The following LYSMD2 variants were observed in gnomAD, a reference collection of about 807,000 sequenced individuals.
The protein encoded by LYSMD2 is LysM domain containing 2, also known as lysM and putative peptidoglycan-binding domain-containing protein 2.
A neutral mutation model predicts 17.7 loss-of-function variants in LYSMD2; 6 were observed. That is an observed-to-expected ratio of 0.34 (90% CI 0.19 to 0.67). LYSMD2 has a LOEUF of 0.67. Ranked by LOEUF, LYSMD2 falls within the 30% of genes least tolerant of loss-of-function variation. LYSMD2 has a pLI of 0.69. For synonymous variants in LYSMD2, 102 were observed against 129.8 expected, an observed-to-expected ratio of 0.79 and a Z score of 1.45; for missense variants, 237 against 286.7, an observed-to-expected ratio of 0.83 and a Z score of 1.25.
At chr15:51,732,688 G>A (rs2055584232) in intron 1 of LYSMD2, among the ~76,000 whole-genome samples, 1 of 152,134 alleles carries the variant, frequency 6.6e-6, no homozygotes, top group Non-Finnish European at 1.5e-5. Context: ...CCCATCCCCA[G>A]GATGCCCAGG....
upstream of LYSMD2, among the ~76,000 whole-genome samples, chr15:51,738,978 T>C (rs904995092): frequency 6.6e-6 from 1 of 152,214 alleles, no homozygotes; most frequent in African/African-American, 2.4e-5. Context: ...CTGGCCTCCT[T>C]GTTCCTACTT....
At chr15:51,743,958 T>G (rs2055655077) in intron 1 of LYSMD2, among the ~76,000 whole-genome samples, 1 of 152,228 alleles carries the variant, frequency 6.6e-6, no homozygotes, top group Admixed American at 6.5e-5. Flanking sequence ...TGTAATAATC[T>G]TGTATCCTAC....
upstream of LYSMD2, among the ~76,000 whole-genome samples, chr15:51,738,504 T>C (rs2055627221): frequency 6.6e-6 from 1 of 152,158 alleles, no homozygotes; most frequent in African/African-American, 2.4e-5. Context: ...GCTATTAATA[T>C]TATAACCACC....
chr15:51,748,261 C>CAAAAAAAAAAAAAAAA (rs10556304), intron 1 of LYSMD2, among the ~76,000 whole-genome samples: 21 of 60,222 alleles, frequency 3.5e-4, no homozygotes, highest in Non-Finnish European at 5.6e-4. Context: ...GACTCCGTCT[C>CAAAAAAAAAAAAAAAA]AAAAAAAAAA....
At position 51,737,404 on chromosome 15, in the gene LYSMD2, G is replaced by A; in HGVS notation, c.219C>T (p.His73=). Residue 73 remains histidine (H), a synonymous_variant, in exon 1 of 3, where the codon CAC becomes CAT. Transcript: ENST00000267838. This position sits in a 1 kb window ranked among gnomAD's most constrained non-coding sequence, Gnocchi z 4.2. The part of the protein sequence containing the change: ...GAGVIERHVE[H]RVRAGDTLQG... ...GCAGCGTGTCGCCCGCGCGGACCCG[G>A]TGCTCCACATGGCGCTCGATGACGC... The A allele has an allele frequency of 6.9e-7, 1 of 1,456,956 alleles. No individual in the cohort carries two copies. The highest frequency in any genetic ancestry group is 1.5e-5 in the African/African-American group (1 of 67,890). The allele number at this position is 1,456,956 out of a possible 1,614,324, so 90.3% of individuals were successfully genotyped here. A position where few individuals can be genotyped will look rare whatever the true frequency, so the allele number is the denominator to read the frequency against.
In LYSMD2 at chr15:51,750,558, C is replaced by A. The variant is rs559492338; in HGVS notation, c.-1+713G>T. Among the ~76,000 whole-genome samples the A allele has an allele frequency of 2.0e-5, 3 of 152,308 alleles. No individual in the cohort carries two copies. The South Asian group carries it at 6.2e-4, about 32-fold the overall frequency. ...GCAGCAACTTGCAAAACTCAACGAA[C>A]CTTAGACTGCCAAGATAAGTCCCAT... On this transcript the variant is annotated intron_variant, in intron 1 of 2. Coordinates refer to the LYSMD2 transcript ENST00000454181.
intron 1 of LYSMD2, among the ~76,000 whole-genome samples, chr15:51,733,262 C>T (rs191984472): frequency 1.3e-5 from 2 of 151,518 alleles, no homozygotes; most frequent in East Asian, 1.9e-4. Context: ...GCCATCTCCA[C>T]GAGCCCTCCC....
In LYSMD2 at chr15:51,723,012, A is replaced by G. The variant is rs1325084661; in HGVS notation, c.*595T>C. On this transcript the variant is annotated 3_prime_UTR_variant, in exon 3 of 3. Coordinates refer to ENST00000267838, the MANE Select transcript of LYSMD2 (RefSeq NM_153374.3). ...GAAGAAGCTGTCAGCATTTAAATGT[A>G]TAATTTAAAAGTCAATTTTATTTTC... is the stretch of plus-strand genomic sequence containing the variant. The G allele has an allele frequency of 6.6e-6, 1 of 152,102 alleles. No individual in the cohort carries two copies. The highest frequency in any genetic ancestry group is 1.9e-4 in the East Asian group (1 of 5,202). The allele number at this position is 152,102 out of a possible 1,614,324, so 9.4% of individuals were successfully genotyped here.
chr15:51,732,870 A>G (rs1233100664), intron 1 of LYSMD2, among the ~76,000 whole-genome samples: 1 of 151,718 alleles, frequency 6.6e-6, no homozygotes, highest in African/African-American at 2.4e-5. Context: ...AAAAGCCACC[A>G]TCTTATCTGG....
chr15:51,737,270 CCA>C lies in LYSMD2; in HGVS notation c.273+78_273+79del. 1.1e-6 allele frequency: 1 copy of C among 918,394 alleles called. No individual in the cohort carries two copies. Among genetic ancestry groups the C allele is most frequent in the Non-Finnish European group, 1.4e-6 (1 of 695,662 alleles). 56.9% of individuals were successfully genotyped at this position (918,394 alleles called of 1,614,324 possible). A position where few individuals can be genotyped will look rare whatever the true frequency, so the allele number is the denominator to read the frequency against. On this transcript the variant is annotated intron_variant, in intron 1 of 2. Coordinates refer to ENST00000267838, the MANE Select transcript of LYSMD2 (RefSeq NM_153374.3). The surrounding 1 kb of genome is among the most constrained non-coding windows in gnomAD (Gnocchi z 4.2). ...CAAACCCCCACCCGCAGTCCCACCC[CCA>C]CCCCCACCGCACCCCGAGCCGCACC...
At chr15:51,748,945 C>T (rs538199284) in intron 1 of LYSMD2, among the ~76,000 whole-genome samples, 1 of 152,332 alleles carries the variant, frequency 6.6e-6, no homozygotes, top group South Asian at 2.1e-4. Flanking sequence ...AATTAAAATA[C>T]TTCATTATAA....
At chr15:51,747,164 C>T (rs888421326) in intron 1 of LYSMD2, among the ~76,000 whole-genome samples, 7 of 151,740 alleles carry the variant, frequency 4.6e-5, no homozygotes, top group Non-Finnish European at 1.0e-4. Flanking sequence ...CACGCCATTG[C>T]ACTCCAGCCT....
At chr15:51,746,634 A>G (rs955223812) in intron 1 of LYSMD2, among the ~76,000 whole-genome samples, 2 of 152,198 alleles carry the variant, frequency 1.3e-5, no homozygotes, top group African/African-American at 4.8e-5. Context: ...ACAAAACTGT[A>G]TTTAGAGAGA....
Position 51,737,637 on chromosome 15 carries a change from C to A in LYSMD2, c.-15G>T. The A allele has an allele frequency of 8.3e-7, 1 of 1,205,162 alleles. No individual in the cohort carries two copies. Among genetic ancestry groups the A allele is most frequent in the Non-Finnish European group, 1.0e-6 (1 of 971,002 alleles). The allele number at this position is 1,205,162 out of a possible 1,614,324, so 74.7% of individuals were successfully genotyped here. A position where few individuals can be genotyped will look rare whatever the true frequency, so the allele number is the denominator to read the frequency against. On this transcript the variant is annotated 5_prime_UTR_variant, in exon 1 of 3. Transcript: ENST00000267838. This position sits in a 1 kb window ranked among gnomAD's most constrained non-coding sequence, Gnocchi z 4.2. ...GAATCCGCCATGGGTCCTGCCGAGG[C>A]CGCCGGGTCGGGGAGCTTGCCAAGG... is the stretch of plus-strand genomic sequence containing the variant.
Position 51,737,298 on chromosome 15 carries a change from G to A in LYSMD2, c.273+52C>T, listed in dbSNP as rs1174626354. On this transcript the variant is annotated intron_variant, in intron 1 of 2. Coordinates refer to ENST00000267838, the MANE Select transcript of LYSMD2 (RefSeq NM_153374.3). The surrounding 1 kb of genome is among the most constrained non-coding windows in gnomAD (Gnocchi z 4.2). ...CCCCCACCGCACCCCGAGCCGCACC[G>A]CCTCCTGCGCGGTAGCTGCCAGCCC... 1.4e-6 allele frequency: 1 copy of A among 726,620 alleles called. No homozygotes were observed. The highest frequency in any genetic ancestry group is 2.7e-5 in the African/African-American group (1 of 37,552). 45.0% of individuals were successfully genotyped at this position (726,620 alleles called of 1,614,324 possible).
At chr15:51,730,089 C>T (rs1384298925) in intron 1 of LYSMD2, among the ~76,000 whole-genome samples, 1 of 152,202 alleles carries the variant, frequency 6.6e-6, no homozygotes, top group Non-Finnish European at 1.5e-5. Context: ...TATGAATTTA[C>T]TGTCTGGTCA....
upstream of LYSMD2, chr15:51,737,910 G>A (rs117760201): frequency 0.035 from 8,162 of 230,296 alleles, 223 homozygotes; most frequent in Non-Finnish European, 0.048. This position sits in a 1 kb window ranked among gnomAD's most constrained non-coding sequence, Gnocchi z 4.2. Flanking sequence ...CAGAGCGAGG[G>A]AGCCGGGGAG....
chr15:51,743,385 A>C (rs566294588), intron 1 of LYSMD2, among the ~76,000 whole-genome samples: 108 of 152,278 alleles, frequency 7.1e-4, no homozygotes, highest in Non-Finnish European at 1.4e-3. Context: ...TGAAAAGACT[A>C]TTTTTTCTCT....
chr15:51,729,615 T>G (rs756073983), intron 1 of LYSMD2, among the ~76,000 whole-genome samples: 1 of 152,180 alleles, frequency 6.6e-6, no homozygotes, highest in East Asian at 1.9e-4. Flanking sequence ...CATGCCACCA[T>G]GCCTGGCTAA....
Sources: gnomAD v4.1 joint callset for allele counts (sites outside exome capture counted in the v4.1 genomes callset) on GRCh38, gnomAD v4.1.1 for gene constraint, Gnocchi (gnomAD v3.1) non-coding constraint, MANE v1.5 for transcripts, NCBI Gene and HGNC (gene_info 2026-07-23, HGNC 2026-07-21) for gene names.